The following NAALADL2 variants were observed in gnomAD, a reference collection of about 807,000 sequenced individuals.
NAALADL2 encodes inactive N-acetylated-alpha-linked acidic dipeptidase-like protein 2.
NAALADL2 carries 76 observed loss-of-function variants against 87.2 expected under a neutral mutation model. The observed-to-expected ratio is 0.87, with a 90% CI of 0.72 to 1.05. NAALADL2 has a LOEUF of 1.05. Among genes scored for constraint, NAALADL2 ranks in the 50% least tolerant of loss-of-function variants. The pLI, the probability that NAALADL2 is intolerant of heterozygous loss-of-function variation, is 0.00. For missense variants in NAALADL2, 1,089 were observed against 945.8 expected, an observed-to-expected ratio of 1.15 and a Z score of -1.99; for synonymous variants, 354 against 331.0, an observed-to-expected ratio of 1.07 and a Z score of -0.75.
Position 174,713,129 on chromosome 3 carries a change from A to G in NAALADL2, c.-114-24512A>G, listed in dbSNP as rs368772871. Among the ~76,000 whole-genome samples, 5 of 152,158 alleles carry G rather than the reference A, an allele frequency of 3.3e-5. No homozygotes were observed. In the East Asian group the frequency reaches 5.8e-4, roughly 18 times the overall value. On this transcript the variant is annotated intron_variant, in intron 2 of 3. Coordinates refer to the NAALADL2 transcript ENST00000434257. ...TCATCCATGTCCCTACAAAGGACAT[A>G]AACTCATCCTTTTTTATGGCTGCAT...
At chr3:175,681,906 C>G (rs1735654574) in intron 11 of NAALADL2, among the ~76,000 whole-genome samples, 1 of 152,116 alleles carries the variant, frequency 6.6e-6, no homozygotes, top group Non-Finnish European at 1.5e-5. Flanking sequence ...GTATCAATTT[C>G]TACCTGTAAC....
chr3:174,882,924 T>C (rs1729606722), intron 1 of NAALADL2, among the ~76,000 whole-genome samples: 1 of 151,152 alleles, frequency 6.6e-6, no homozygotes, highest in Non-Finnish European at 1.5e-5. Context: ...TTTGTATATA[T>C]ATGTATATAT....
At chr3:175,360,684 G>A (rs550908879) in intron 5 of NAALADL2, among the ~76,000 whole-genome samples, 7 of 151,978 alleles carry the variant, frequency 4.6e-5, no homozygotes, top group South Asian at 4.2e-4. Flanking sequence ...TTTTTAGTTT[G>A]CAGTGTTACA....
At chr3:175,133,170 C>A (rs541839008) in intron 2 of NAALADL2, among the ~76,000 whole-genome samples, 2 of 147,010 alleles carry the variant, frequency 1.4e-5, no homozygotes, top group Admixed American at 1.3e-4. Flanking sequence ...GGATGGCCGC[C>A]GGGAAGAGGC....
intron 4 of NAALADL2, among the ~76,000 whole-genome samples, chr3:175,317,593 T>C (rs1407009815): frequency 6.6e-6 from 1 of 152,002 alleles, no homozygotes; most frequent in Non-Finnish European, 1.5e-5. Context: ...TTCCAGTGTT[T>C]TACTTTCAAA....
chr3:175,212,423 A>G (rs1264254701), intron 2 of NAALADL2, among the ~76,000 whole-genome samples: 2 of 152,142 alleles, frequency 1.3e-5, no homozygotes, highest in Admixed American at 1.3e-4. Flanking sequence ...AAATTTGATT[A>G]TAGGATAAAA....
At chr3:175,394,422 G>C (rs1311885688) in intron 5 of NAALADL2, among the ~76,000 whole-genome samples, 2 of 152,164 alleles carry the variant, frequency 1.3e-5, no homozygotes, top group Non-Finnish European at 2.9e-5. Context: ...ATCCTGACAT[G>C]ATAATTTTGC....
At chr3:175,083,097 TATA>T (rs749217606) in intron 1 of NAALADL2, among the ~76,000 whole-genome samples, 14 of 152,330 alleles carry the variant, frequency 9.2e-5, no homozygotes, top group Admixed American at 5.9e-4. Context: ...ATAACAACTT[TATA>T]ATGTGTTTAA....
At chr3:174,790,185 C>T (rs1302529123) in intron 3 of NAALADL2, among the ~76,000 whole-genome samples, 7 of 152,064 alleles carry the variant, frequency 4.6e-5, no homozygotes, top group Non-Finnish European at 1.0e-4. Flanking sequence ...AGGGTGTAGC[C>T]TTGGAAAGAG....
chr3:175,252,739 A>G (rs1427903331), intron 3 of NAALADL2, among the ~76,000 whole-genome samples: 1 of 152,222 alleles, frequency 6.6e-6, no homozygotes, highest in Non-Finnish European at 1.5e-5. Context: ...AGCAATTAAA[A>G]TGCTACTCTA....
At chr3:175,654,140 C>T (rs1731143117) in intron 11 of NAALADL2, among the ~76,000 whole-genome samples, 1 of 152,144 alleles carries the variant, frequency 6.6e-6, no homozygotes, top group Non-Finnish European at 1.5e-5. Flanking sequence ...TGATCATAAA[C>T]CTGACTGCAT....
At chr3:175,325,622 G>T (rs1170223460) in intron 5 of NAALADL2, among the ~76,000 whole-genome samples, 1 of 152,212 alleles carries the variant, frequency 6.6e-6, no homozygotes, top group Non-Finnish European at 1.5e-5. Flanking sequence ...GACTCTGTAA[G>T]AGTGCTCTAA....
intron 2 of NAALADL2, among the ~76,000 whole-genome samples, chr3:175,212,551 ATT>A (rs80347805): frequency 6.6e-6 from 1 of 150,816 alleles, no homozygotes; most frequent in African/African-American, 2.4e-5. Context: ...AATTTTCTTC[ATT>A]TTTTTTTCTT....
intron 11 of NAALADL2, among the ~76,000 whole-genome samples, chr3:175,643,606 A>G (rs1425000241): frequency 6.6e-6 from 1 of 152,198 alleles, no homozygotes; most frequent in African/African-American, 2.4e-5. Context: ...AAGTTTTAAG[A>G]TGGATGTTTT....
intron 3 of NAALADL2, among the ~76,000 whole-genome samples, chr3:174,786,005 A>G (rs1006390127): frequency 2.6e-5 from 4 of 152,310 alleles, no homozygotes; most frequent in Middle Eastern, 6.8e-3. Context: ...CACAGGAATT[A>G]CATGATTAGC....
chr3:175,325,973 T>G (rs1760658421), intron 5 of NAALADL2, among the ~76,000 whole-genome samples: 1 of 152,224 alleles, frequency 6.6e-6, no homozygotes, highest in African/African-American at 2.4e-5. Flanking sequence ...ATTACAAGGT[T>G]GCAATTTTCC....
At chr3:174,880,557 T>C (rs990631195) in intron 1 of NAALADL2, among the ~76,000 whole-genome samples, 1 of 152,048 alleles carries the variant, frequency 6.6e-6, no homozygotes, top group African/African-American at 2.4e-5. Flanking sequence ...ACTTCTACCC[T>C]TGCATCTCTC....
chr3:175,386,602 G>A (rs1768409450), intron 5 of NAALADL2, among the ~76,000 whole-genome samples: 1 of 151,410 alleles, frequency 6.6e-6, no homozygotes, highest in Non-Finnish European at 1.5e-5. Context: ...ATTGCTTTCT[G>A]CAATTTCAGA....
chr3:174,441,565 A>C (rs1173717375), intron 1 of NAALADL2, among the ~76,000 whole-genome samples: 1 of 152,120 alleles, frequency 6.6e-6, no homozygotes, highest in Non-Finnish European at 1.5e-5. Context: ...GACGCCCAGG[A>C]TGGCTTTCTT....
Sources: allele counts gnomAD v4.1 joint callset (sites outside exome capture counted in the v4.1 genomes callset), GRCh38; gene constraint gnomAD v4.1.1; transcripts MANE v1.5; gene names NCBI Gene and HGNC (gene_info 2026-07-23, HGNC 2026-07-21).